Variants in MSH3 observed in about 807,000 individuals in gnomAD.
MSH3 encodes the protein mutS homolog 3, also known as DNA mismatch repair protein Msh3.
A neutral mutation model predicts 123.3 loss-of-function variants in MSH3; 106 were observed. That is an observed-to-expected ratio of 0.86 (90% confidence interval 0.73 to 1.01). MSH3 has a LOEUF of 1.01. Among genes scored for constraint, MSH3 ranks in the 50% least tolerant of loss-of-function variants. The probability of loss-of-function intolerance (pLI) is 0.00; values close to 1 mark genes in which losing one functional copy is unlikely to be tolerated. For missense variants in MSH3, 1,459 were observed against 1,347.6 expected (o/e 1.08, Z -1.29); for synonymous variants, 515 against 481.4 (o/e 1.07, Z -0.91).
At chr5:80,692,424 TTAGA>T (rs1318144765) in intron 8 of MSH3, among the ~76,000 whole-genome samples, 123 of 33,612 alleles carry the variant, frequency 3.7e-3, no homozygotes, top group East Asian at 0.023. Context: ...ATGTATATGT[TTAGA>T]TAGATAAACA....
At chr5:80,864,636 A>G (rs927675545) in intron 21 of MSH3, among the ~76,000 whole-genome samples, 177 bp from the exon 22 acceptor site, 1 of 152,304 alleles carries the variant, frequency 6.6e-6, no homozygotes, top group East Asian at 1.9e-4. Flanking sequence ...AAGAAGGGAA[A>G]TATGGTAAAA....
intron 19 of MSH3, among the ~76,000 whole-genome samples, chr5:80,797,431 G>A (rs917727708): frequency 7.9e-5 from 12 of 152,120 alleles, no homozygotes; most frequent in Admixed American, 5.9e-4. Flanking sequence ...AGTCTCACTT[G>A]AAATTTTTGC....
chr5:80,840,390 C>T (rs1273908976), intron 20 of MSH3, among the ~76,000 whole-genome samples: 2 of 152,072 alleles, frequency 1.3e-5, no homozygotes, highest in Non-Finnish European at 2.9e-5. Flanking sequence ...TCGACTGCTA[C>T]TCTTCCTTGT....
At chr5:80,854,560 C>G (rs1040007281) in intron 21 of MSH3, among the ~76,000 whole-genome samples, 1 of 152,050 alleles carries the variant, frequency 6.6e-6, no homozygotes, top group African/African-American at 2.4e-5. Flanking sequence ...CTGCTGTAGT[C>G]ATAATACCGT....
chr5:80,746,154 G>A (rs539457643), intron 12 of MSH3, among the ~76,000 whole-genome samples: 1 of 152,188 alleles, frequency 6.6e-6, no homozygotes, highest in Non-Finnish European at 1.5e-5. Context: ...CATACTATGA[G>A]AAACTCAGCC....
chr5:80,683,693 GC>G (rs1561441273), intron 8 of MSH3, among the ~76,000 whole-genome samples: 2 of 152,120 alleles, frequency 1.3e-5, no homozygotes, highest in African/African-American at 4.8e-5. Flanking sequence ...CTGTGCAGAA[GC>G]TTTTTAACTT....
chr5:80,816,810 T>C (rs754399381), intron 20 of MSH3, among the ~76,000 whole-genome samples: 12 of 152,170 alleles, frequency 7.9e-5, no homozygotes, highest in Non-Finnish European at 1.6e-4. Flanking sequence ...AGAGATGACA[T>C]TGAGTTTGTG....
At chr5:80,710,415 T>C (rs1750836153) in intron 8 of MSH3, among the ~76,000 whole-genome samples, 1 of 152,218 alleles carries the variant, frequency 6.6e-6, no homozygotes, top group Non-Finnish European at 1.5e-5. Flanking sequence ...ATTAAAATTA[T>C]TTTGGTTAAT....
intron 4 of MSH3, among the ~76,000 whole-genome samples, chr5:80,671,334 G>A (rs1749719901): frequency 1.3e-5 from 2 of 152,166 alleles, no homozygotes; most frequent in African/African-American, 4.8e-5. Flanking sequence ...GAGGTAGCAT[G>A]TCTGTGCTTC....
chr5:80,692,548 A>T lies in MSH3; in HGVS notation c.1340+13455A>T, dbSNP rs1333470716. 2.6e-5 allele frequency among the ~76,000 whole-genome samples: 2 copies of T among 76,176 alleles called. 1 individual carries two copies. The highest frequency in any genetic ancestry group is 5.6e-5 in the Non-Finnish European group (2 of 35,438). The allele number at this position is 76,176 out of a possible 152,430, so 50.0% of individuals were successfully genotyped here. ...GATAGATAAACATGTATATGTTTAT[A>T]TAGAGAGATAAACATGTATATGTTT... On this transcript the variant is annotated intron_variant, in intron 8 of 23. Transcript: ENST00000265081.
chr5:80,702,328 C>T (rs1016101262), intron 8 of MSH3, among the ~76,000 whole-genome samples: 6 of 152,212 alleles, frequency 3.9e-5, no homozygotes, highest in African/African-American at 1.4e-4. Context: ...TGTGGGTGTA[C>T]TGGGTTGTCC....
intron 20 of MSH3, among the ~76,000 whole-genome samples, chr5:80,833,624 G>A (rs969305458): frequency 2.0e-5 from 3 of 152,146 alleles, no homozygotes; most frequent in South Asian, 4.1e-4. Flanking sequence ...TGTATTTTTA[G>A]TAGAGATGGG....
In MSH3 at chr5:80,762,815, G is replaced by GTTATT. The variant is rs1435821099; in HGVS notation, c.1896+1141_1896+1142insTTTAT. ...TTTATGTTATGTTATGTTATGTTAT[G>GTTATT]TTATGTTATGTTATGTTATTTTATG... On this transcript the variant is annotated intron_variant, in intron 13 of 23. Coordinates refer to ENST00000265081, the MANE Select transcript of MSH3 (RefSeq NM_002439.5). 1.5e-4 allele frequency among the ~76,000 whole-genome samples: 22 copies of GTTATT among 142,982 alleles called. No homozygotes were observed. In the East Asian group the frequency reaches 3.3e-3, roughly 22 times the overall value. The allele number at this position is 142,982 out of a possible 152,430, so 93.8% of individuals were successfully genotyped here. A position where few individuals can be genotyped will look rare whatever the true frequency, so the allele number is the denominator to read the frequency against.
intron 8 of MSH3, among the ~76,000 whole-genome samples, chr5:80,694,131 A>G (rs781278140): frequency 4.6e-5 from 7 of 152,206 alleles, no homozygotes; most frequent in African/African-American, 1.2e-4. Context: ...GGATTATTCA[A>G]CTGATGCTGC....
intron 20 of MSH3, among the ~76,000 whole-genome samples, chr5:80,844,202 T>G (rs1213871521): frequency 6.6e-6 from 1 of 152,062 alleles, no homozygotes. Context: ...CATGTAGTTG[T>G]GCAGTTTTGA....
intron 3 of MSH3, among the ~76,000 whole-genome samples, chr5:80,666,757 G>T (rs1454804493): frequency 6.6e-6 from 1 of 152,208 alleles, no homozygotes. Flanking sequence ...GGCATGGATA[G>T]ACGTGGATGA....
chr5:80,767,969 T>TTATA lies in MSH3; in HGVS notation c.1935_1938dup (p.His647IlefsTer15), dbSNP rs1580033751. The stretch of plus-strand genomic sequence containing the variant: ...AGAGTTCTTCTTGATTGTCAAAACT[T>TTATA]TATATCACCTAAAGTCAGAATTTCA... On this transcript the variant is annotated frameshift_variant, in exon 14 of 24. Coordinates refer to ENST00000265081, the MANE Select transcript of MSH3 (RefSeq NM_002439.5). LOFTEE classifies it high-confidence loss of function. 6.2e-7 allele frequency: 1 copy of TTATA among 1,613,120 alleles called. No individual in the cohort carries two copies.
At chr5:80,714,814 T>TA (rs1212642705) in intron 8 of MSH3, among the ~76,000 whole-genome samples, 1 of 152,242 alleles carries the variant, frequency 6.6e-6, no homozygotes, top group Non-Finnish European at 1.5e-5. Context: ...AGTTGCTAAA[T>TA]AAACTTTATT....
At chr5:80,753,380 G>C (rs972373811) in intron 12 of MSH3, among the ~76,000 whole-genome samples, 1 of 152,122 alleles carries the variant, frequency 6.6e-6, no homozygotes, top group Non-Finnish European at 1.5e-5. Flanking sequence ...TGTAGCTACC[G>C]TCAGGAATGT....
Sources: gnomAD v4.1 joint callset for allele counts (sites outside exome capture counted in the v4.1 genomes callset) on GRCh38, gnomAD v4.1.1 for gene constraint, MANE v1.5 for transcripts, NCBI Gene and HGNC (gene_info 2026-07-23, HGNC 2026-07-21) for gene names.